Variants in COL4A6 observed in about 807,000 individuals in gnomAD.
COL4A6 encodes collagen type IV alpha 6 chain.
A neutral mutation model predicts 126.7 loss-of-function variants in COL4A6; 59 were observed. The observed-to-expected ratio is 0.47, with a 90% CI of 0.38 to 0.58. COL4A6 has a LOEUF of 0.58. Ranked by LOEUF, COL4A6 falls within the 20% of genes least tolerant of loss-of-function variation. The pLI is 0.00. For synonymous variants in COL4A6, 547 were observed against 496.6 expected (o/e 1.10, Z -1.35); for missense variants, 1,285 against 1,337.3 (o/e 0.96, Z 0.61).
intron 3 of COL4A6, among the ~76,000 whole-genome samples, chrX:108,289,615 G>C (rs1456928440): frequency 1.8e-5 from 2 of 111,254 alleles, no homozygotes; most frequent in African/African-American, 3.3e-5. Flanking sequence ...TTCCTAAAAG[G>C]TTTCAAGAAG....
chrX:108,368,395 G>T (rs1005003439), intron 2 of COL4A6, among the ~76,000 whole-genome samples: 1 of 111,208 alleles, frequency 9.0e-6, no homozygotes, highest in Non-Finnish European at 1.9e-5. Flanking sequence ...AATGGAGCTT[G>T]CAGGACTAGA....
chrX:108,438,919 C>T (rs1793632133), upstream of COL4A6, among the ~76,000 whole-genome samples: 1 of 112,420 alleles, frequency 8.9e-6, no homozygotes, highest in Non-Finnish European at 1.9e-5. Context: ...AATTCTTCAT[C>T]AAATTCTTGA....
chrX:108,421,673 A>G (rs1214459773), intron 2 of COL4A6, among the ~76,000 whole-genome samples: 1 of 112,045 alleles, frequency 8.9e-6, no homozygotes, highest in Non-Finnish European at 1.9e-5. Flanking sequence ...AAAGCTATGG[A>G]CCTTTTCCCC....
chrX:108,276,563 G>A (rs2037608538), intron 3 of COL4A6, among the ~76,000 whole-genome samples: 1 of 112,328 alleles, frequency 8.9e-6, no homozygotes, highest in African/African-American at 3.2e-5. Flanking sequence ...TACCAGCTAG[G>A]TACTCTTATC....
chrX:108,208,244 A>G (rs755324763), intron 8 of COL4A6, among the ~76,000 whole-genome samples: 2 of 111,981 alleles, frequency 1.8e-5, no homozygotes, highest in South Asian at 3.7e-4. Context: ...ACATCTTAAC[A>G]TCCCTCCTTC....
At chrX:108,397,559 A>G (rs1031187260) in intron 2 of COL4A6, among the ~76,000 whole-genome samples, 16 of 109,631 alleles carry the variant, frequency 1.5e-4, no homozygotes, top group South Asian at 1.2e-3. Context: ...CAATAAAAAC[A>G]TGACATTCAA....
chrX:108,177,096 G>T (rs1395579639), intron 27 of COL4A6, 85 bp from the exon 28 acceptor site: 5 of 926,528 alleles, frequency 5.4e-6, no homozygotes, highest in Non-Finnish European at 7.5e-6. Context: ...CATAGCTTCT[G>T]ATTGGTTTGG....
At chrX:108,407,567 C>G (rs774275499) in intron 2 of COL4A6, among the ~76,000 whole-genome samples, 2 of 112,074 alleles carry the variant, frequency 1.8e-5, no homozygotes, top group East Asian at 5.6e-4. Flanking sequence ...TAAAATAGCC[C>G]CTGCTCTCAA....
intron 2 of COL4A6, among the ~76,000 whole-genome samples, chrX:108,389,059 A>G (rs1310104914): frequency 9.0e-6 from 1 of 111,580 alleles, no homozygotes; most frequent in Non-Finnish European, 1.9e-5. Context: ...TTCTAATTTG[A>G]TTGCATTGTG....
chrX:108,403,726 T>A (rs1367230012), intron 2 of COL4A6, among the ~76,000 whole-genome samples: 1 of 111,577 alleles, frequency 9.0e-6, no homozygotes, highest in Non-Finnish European at 1.9e-5. Flanking sequence ...ACATAAATAT[T>A]CTAAATAAAG....
rs1330546847 is a variant in COL4A6 at position 108,164,939 on chromosome X, C to T, written c.3908G>A (p.Gly1303Glu). The T allele has an allele frequency of 5.8e-6, 7 of 1,208,731 alleles. No individual in the cohort carries two copies. The South Asian group carries it at 1.2e-4, about 21-fold the overall frequency. Residue 1303 changes from glycine (G) to glutamate (E), a missense_variant, in exon 39 of 45, where the codon GGG becomes GAG. Gly to Glu is a moderately conservative substitution (Grantham distance 98). Coordinates refer to ENST00000334504, the MANE Select transcript of COL4A6 (RefSeq NM_033641.4). Reference sequence around the variant, plus strand: ...TGGAATTCCTTGGTCTCCCTTAGGCCCTTTAGGTCCAGGAATTCCAGGGAA... The same window carrying T: ...TGGAATTCCTTGGTCTCCCTTAGGCTCTTTAGGTCCAGGAATTCCAGGGAA... Reference protein sequence around the residue: ...PGFPGIPGPKGPKGDQGIPGF... With the variant: ...PGFPGIPGPKEPKGDQGIPGF...
At chrX:108,417,063 G>A (rs1481556546) in intron 2 of COL4A6, among the ~76,000 whole-genome samples, 1 of 111,884 alleles carries the variant, frequency 8.9e-6, no homozygotes, top group African/African-American at 3.3e-5. Context: ...GAGATCACAT[G>A]TGTAAAAGAG....
chrX:108,358,802 C>CA (rs2040015766), intron 2 of COL4A6, among the ~76,000 whole-genome samples: 2 of 112,188 alleles, frequency 1.8e-5, no homozygotes, highest in African/African-American at 6.5e-5. Context: ...AGGCTTTCTT[C>CA]AGCAGTCTTT....
At chrX:108,360,605 C>T (rs1280424780) in intron 2 of COL4A6, among the ~76,000 whole-genome samples, 7 of 104,768 alleles carry the variant, frequency 6.7e-5, no homozygotes, top group Admixed American at 2.1e-4. Context: ...GGCACAATCT[C>T]GGCTCACTGC....
chrX:108,164,664 T>C lies in COL4A6; in HGVS notation c.4005A>G (p.Pro1335=), dbSNP rs2034065129. ...MRGEPGFMGT[P]GKVGPPGDPG... ...GGTCTCCAGGTGGCCCAACCTTGCCTGGAGTCCCCATGAAGCCAGGCTCAC... is the reference window on the plus strand; with the variant it reads ...GGTCTCCAGGTGGCCCAACCTTGCCCGGAGTCCCCATGAAGCCAGGCTCAC... The change falls in exon 40 of 45, where the codon CCA becomes CCG. Residue 1335 remains proline, a synonymous_variant. Coordinates refer to ENST00000334504, the MANE Select transcript of COL4A6 (RefSeq NM_033641.4). 8.3e-7 allele frequency: 1 copy of C among 1,209,616 alleles called. No homozygotes were observed. Among genetic ancestry groups the C allele is most frequent in the Non-Finnish European group, 1.1e-6 (1 of 895,050 alleles).
rs73253678 is a variant in COL4A6 at position 108,296,969 on chromosome X, G to C, written c.144+13779C>G. ...CTGATGGTAGGTCAAGTAAGATGAG[G>C]ACTGAGAGATTACCATTGTAATTAA... On this transcript the variant is annotated intron_variant, in intron 3 of 44. Coordinates refer to ENST00000334504, the MANE Select transcript of COL4A6 (RefSeq NM_033641.4). Among the ~76,000 whole-genome samples, 270 of 112,042 alleles carry C rather than the reference G, an allele frequency of 2.4e-3. 2 individuals are homozygous for C. Among genetic ancestry groups the C allele is most frequent in the South Asian group, 8.7e-3 (23 of 2,636 alleles).
chrX:108,274,374 G>T (rs1028773302), intron 3 of COL4A6, among the ~76,000 whole-genome samples: 28 of 111,506 alleles, frequency 2.5e-4, no homozygotes, highest in Admixed American at 5.7e-4. Flanking sequence ...TATAAGGATG[G>T]TCTCTAGTTT....
intron 2 of COL4A6, among the ~76,000 whole-genome samples, chrX:108,419,060 C>T (rs1227099065): frequency 1.8e-5 from 2 of 112,117 alleles, no homozygotes; most frequent in Non-Finnish European, 3.8e-5. Flanking sequence ...TTGCTTAAGA[C>T]AAGAGGAATT....
In COL4A6 at chrX:108,343,157, A is replaced by AG. The variant is rs1259891655; in HGVS notation, c.64-32330_64-32329insC. 4.3e-3 allele frequency among the ~76,000 whole-genome samples: 314 copies of AG among 73,805 alleles called. 2 individuals carry two copies. Among genetic ancestry groups the AG allele is most frequent in the African/African-American group, 0.011 (207 of 19,181 alleles). 64.1% of individuals were successfully genotyped at this position (73,805 alleles called of 115,157 possible). A position where few individuals can be genotyped will look rare whatever the true frequency, so the allele number is the denominator to read the frequency against. The stretch of plus-strand genomic sequence containing the variant: ...GGAATATATATATATATATATATAT[A>AG]TATATATAGTGTGTGTGTGTGTGTG... On this transcript the variant is annotated intron_variant, in intron 2 of 44. Transcript: ENST00000334504.
Sources: gnomAD v4.1 joint callset for allele counts (sites outside exome capture counted in the v4.1 genomes callset) on GRCh38, gnomAD v4.1.1 for gene constraint, MANE v1.5 for transcripts, NCBI Gene and HGNC (gene_info 2026-07-23, HGNC 2026-07-21) for gene names.